ASCC2: variants seen among roughly 807,000 people sequenced by gnomAD.
ASCC2 encodes ASC-1 complex subunit P100.
Under a neutral mutation model 93.5 loss-of-function variants are expected in ASCC2, and 42 were observed. That is an observed-to-expected ratio of 0.45 (90% CI 0.35 to 0.58). ASCC2 has a LOEUF of 0.58. Among genes scored for constraint, ASCC2 ranks in the 20% least tolerant of loss-of-function variants. The probability of loss-of-function intolerance (pLI) is 0.00; values close to 1 mark genes in which losing one functional copy is unlikely to be tolerated. For missense variants in ASCC2, 859 were observed against 977.6 expected (o/e 0.88, Z 1.62); for synonymous variants, 364 against 384.2 (o/e 0.95, Z 0.62).
At position 29,825,544 on chromosome 22, in the gene ASCC2, G is replaced by T; in HGVS notation, c.240+78C>A. The T allele has an allele frequency of 6.3e-7, 1 of 1,596,212 alleles. No homozygotes were observed. The highest frequency in any genetic ancestry group is 8.6e-7 in the Non-Finnish European group (1 of 1,164,358). On this transcript the variant is annotated intron_variant, in intron 3 of 19. Transcript: ENST00000307790. The surrounding 1 kb of genome is among the most constrained non-coding windows in gnomAD (Gnocchi z 4.9). ...AGTAGACAAAAAAGCACCTCCTAGG[G>T]GAAGAAAAACAACAACAGCAACCAA...
chr22:29,815,422 T>C (rs1482014588), intron 6 of ASCC2: 1 of 152,864 alleles, frequency 6.5e-6, no homozygotes, highest in East Asian at 1.9e-4. Context: ...TTAGAACCCC[T>C]GTAGATGGCT....
Position 29,825,860 on chromosome 22 carries a change from C to T in ASCC2, c.82-80G>A. 2.7e-6 allele frequency: 4 copies of T among 1,505,804 alleles called. No homozygotes were observed. Among genetic ancestry groups the T allele is most frequent in the Non-Finnish European group, 9.0e-7 (1 of 1,115,572 alleles). The allele number at this position is 1,505,804 out of a possible 1,614,324, so 93.3% of individuals were successfully genotyped here. On this transcript the variant is annotated intron_variant, in intron 2 of 19. Transcript: ENST00000307790. This position sits in a 1 kb window ranked among gnomAD's most constrained non-coding sequence, Gnocchi z 4.9. Reference sequence around the variant, plus strand: ...ATTTGCCAACCCACAGCAATGACAACACTTGGCTGTTCCAACCGGTGACCC... The same window carrying T: ...ATTTGCCAACCCACAGCAATGACAATACTTGGCTGTTCCAACCGGTGACCC...
At position 29,800,942 on chromosome 22, in the gene ASCC2, T is replaced by C. The variant is rs150264834; in HGVS notation, c.1688+49A>G. ...GCCCTTGGTTTCCCTGTGTCCTCTC[T>C]GCACTTCCAGAGTTGGGGTATCGGA... is the stretch of plus-strand genomic sequence containing the variant. On this transcript the variant is annotated intron_variant, in intron 15 of 19. Coordinates refer to ENST00000307790, the MANE Select transcript of ASCC2 (RefSeq NM_032204.5). 35,525 of 1,541,860 alleles carry C rather than the reference T, an allele frequency of 0.023. 541 individuals are homozygous for C. Among genetic ancestry groups the C allele is most frequent in the Non-Finnish European group, 0.027 (30,638 of 1,135,106 alleles).
chr22:29,806,114 T>A (rs2059642619), intron 12 of ASCC2, 102 bp downstream of exon 12: 4 of 1,336,104 alleles, frequency 3.0e-6, no homozygotes, highest in Non-Finnish European at 4.3e-6. Flanking sequence ...CCATGCGTTC[T>A]GGGGCTAAAC....
At chr22:29,831,417 TGA>T (rs750892521) in intron 2 of ASCC2, among the ~76,000 whole-genome samples, 4 of 152,148 alleles carry the variant, frequency 2.6e-5, no homozygotes, top group South Asian at 2.1e-4. Flanking sequence ...GTGGACTAAA[TGA>T]GATAATCCGG....
chr22:29,822,224 C>T, intron 5 of ASCC2, 111 bp downstream of exon 5: 5 of 1,418,504 alleles, frequency 3.5e-6, no homozygotes, highest in Non-Finnish European at 4.8e-6. Flanking sequence ...AGACTCCCTG[C>T]CCCTATCGCC....
At position 29,790,480 on chromosome 22, in the gene ASCC2, G is replaced by C. The variant is rs534596870; in HGVS notation, c.2091C>G (p.Leu697=). 9.9e-6 allele frequency: 16 copies of C among 1,613,974 alleles called. No individual in the cohort carries two copies. The highest frequency in any genetic ancestry group is 1.4e-5 in the Non-Finnish European group (16 of 1,180,032). The part of the protein sequence containing the change: ...EKAEARRMAF[L]AKKGYRHDSS... ...CCTTGAATGCTCACCCTTTCTTGGC[G>C]AGAAAGGCCATGCGCCTGGCTTCTG... The change falls in exon 19 of 20, where the codon CTC becomes CTG. Residue 697 remains leucine, a synonymous_variant. Transcript: ENST00000307790.
chr22:29,806,383 C>T, intron 11 of ASCC2, 93 bp from the exon 12 acceptor site: 1 of 1,568,728 alleles, frequency 6.4e-7, no homozygotes. Flanking sequence ...GCAGCCCGAC[C>T]TTATTAGAGC....
At chr22:29,835,404 TAA>T (rs778607436) in intron 1 of ASCC2, among the ~76,000 whole-genome samples, 1 of 141,026 alleles carries the variant, frequency 7.1e-6, no homozygotes. Context: ...TCCCAAAATT[TAA>T]AAAAAAAAAA....
chr22:29,821,934 A>C, intron 5 of ASCC2: 1 of 451,610 alleles, frequency 2.2e-6, no homozygotes, highest in Non-Finnish European at 4.4e-6. Flanking sequence ...AGGAATGTGA[A>C]GCTGCAGTGA....
At chr22:29,792,342 AGG>A in intron 18 of ASCC2, 89 bp downstream of exon 18, 1 of 1,558,686 alleles carries the variant, frequency 6.4e-7, no homozygotes. Flanking sequence ...GGGCTGCCTC[AGG>A]GCCAGACATA....
At chr22:29,790,586 G>A (rs766261082) in intron 18 of ASCC2, 38 bp from the exon 19 acceptor site, 1 of 1,599,642 alleles carries the variant, frequency 6.3e-7, no homozygotes, top group Non-Finnish European at 8.6e-7. Context: ...GGAGTCAGGA[G>A]CTGCCACATT....
chr22:29,793,738 C>T (rs573524730), intron 15 of ASCC2, 62 bp from the exon 16 acceptor site: 9 of 1,483,026 alleles, frequency 6.1e-6, no homozygotes, highest in Admixed American at 4.0e-5. Flanking sequence ...CCGCAGGGTA[C>T]GGAGGGTCCA....
At chr22:29,799,762 G>T (rs1569371554) in intron 15 of ASCC2, among the ~76,000 whole-genome samples, 1 of 152,246 alleles carries the variant, frequency 6.6e-6, no homozygotes, top group East Asian at 1.9e-4. Flanking sequence ...CCTCTGATGG[G>T]TCATCATTCC....
chr22:29,792,518 T>C lies in ASCC2; in HGVS notation c.1937A>G (p.Gln646Arg). ...LISRRPFTIP[Q>R]VLRTKVPREG... The stretch of plus-strand genomic sequence containing the variant: ...TCTAGGCACTTTGGTTCTCAGCACC[T>C]GAGGGATGGTGAATGGCCTGAGGGT... Residue 646 changes from glutamine to arginine, a missense_variant, in exon 18 of 20, where the codon CAG becomes CGG. By Grantham distance (43) the Gln-to-Arg change is conservative (BLOSUM62 1). Transcript: ENST00000307790. The C allele has an allele frequency of 1.1e-5, 18 of 1,613,940 alleles. No homozygotes were observed. Among genetic ancestry groups the C allele is most frequent in the Non-Finnish European group, 1.4e-5 (17 of 1,179,886 alleles).
chr22:29,798,449 C>T (rs1254910017), intron 15 of ASCC2, among the ~76,000 whole-genome samples: 1 of 152,126 alleles, frequency 6.6e-6, no homozygotes, highest in African/African-American at 2.4e-5. Flanking sequence ...GCTGCAGCCC[C>T]TCTGCAGCCT....
intron 10 of ASCC2, 119 bp downstream of exon 10, chr22:29,806,678 C>A (rs5763504): frequency 1.4e-6 from 2 of 1,423,252 alleles, no homozygotes; most frequent in Non-Finnish European, 2.0e-6. Context: ...TTCTTGGTTT[C>A]TCATCTCTGT....
At chr22:29,789,416 G>T (rs951984591) in intron 19 of ASCC2, among the ~76,000 whole-genome samples, 1 of 152,194 alleles carries the variant, frequency 6.6e-6, no homozygotes, top group Non-Finnish European at 1.5e-5. Flanking sequence ...TTCCAGGTCC[G>T]CCCATTGCTA....
intron 19 of ASCC2, among the ~76,000 whole-genome samples, chr22:29,790,193 G>A (rs2068812171): frequency 6.6e-6 from 1 of 152,208 alleles, no homozygotes; most frequent in Non-Finnish European, 1.5e-5. Flanking sequence ...TAATGGTTAT[G>A]AGTGGGGACC....
Sources: allele counts gnomAD v4.1 joint callset (sites outside exome capture counted in the v4.1 genomes callset), GRCh38; gene constraint gnomAD v4.1.1; non-coding constraint Gnocchi (gnomAD v3.1); transcripts MANE v1.5; gene names NCBI Gene and HGNC (gene_info 2026-07-23, HGNC 2026-07-21).